Variants in CDC14A observed in about 807,000 individuals in gnomAD.
The protein encoded by CDC14A is cell division cycle 14A.
CDC14A carries 53 observed loss-of-function variants against 74.4 expected under a neutral mutation model. The ratio of observed to expected loss-of-function variants is 0.71; its 90% CI spans 0.57 to 0.89. CDC14A has a LOEUF of 0.89. Ranked by LOEUF, CDC14A falls within the 40% of genes least tolerant of loss-of-function variation. The pLI, the probability that CDC14A is intolerant of heterozygous loss-of-function variation, is 0.00. For synonymous variants in CDC14A, 247 were observed against 258.4 expected, an observed-to-expected ratio of 0.96 and a Z score of 0.43; for missense variants, 646 against 713.7, an observed-to-expected ratio of 0.91 and a Z score of 1.08.
chr1:100,471,136 T>A (rs1224639401), intron 10 of CDC14A, among the ~76,000 whole-genome samples: 4 of 151,974 alleles, frequency 2.6e-5, no homozygotes, highest in African/African-American at 7.3e-5. Flanking sequence ...TAGATGAATA[T>A]CATATTATTG....
At chr1:100,470,352 G>A (rs564342264) in intron 10 of CDC14A, among the ~76,000 whole-genome samples, 58 of 151,716 alleles carry the variant, frequency 3.8e-4, no homozygotes, top group Non-Finnish European at 7.4e-4. Context: ...ATATTTAATG[G>A]TGATGCTTTT....
intron 1 of CDC14A, among the ~76,000 whole-genome samples, chr1:100,346,032 G>T (rs1050482013): frequency 6.6e-6 from 1 of 152,052 alleles, no homozygotes; most frequent in South Asian, 2.1e-4. Context: ...TTCACTGGGT[G>T]TGGGGGTGGG....
intron 8 of CDC14A, among the ~76,000 whole-genome samples, chr1:100,456,417 T>G (rs1666690683): frequency 7.0e-6 from 1 of 143,756 alleles, no homozygotes; most frequent in Non-Finnish European, 1.5e-5. Context: ...AAAATATCCA[T>G]GAACAAAATA....
At chr1:100,439,483 T>C (rs1457139056) in intron 5 of CDC14A, among the ~76,000 whole-genome samples, 1 of 152,194 alleles carries the variant, frequency 6.6e-6, no homozygotes, top group Non-Finnish European at 1.5e-5. Context: ...ATAATAAGAA[T>C]AGTCATAATA....
At chr1:100,491,183 G>A (rs1047600779) in intron 11 of CDC14A, among the ~76,000 whole-genome samples, 28 of 152,098 alleles carry the variant, frequency 1.8e-4, no homozygotes, top group African/African-American at 6.0e-4. Context: ...GCCATAAAAC[G>A]ACAGAGATTT....
chr1:100,499,469 TCTTC>T (rs1648451408), intron 15 of CDC14A: 2 of 1,447,842 alleles, frequency 1.4e-6, no homozygotes, highest in Non-Finnish European at 9.1e-7. Flanking sequence ...AACTGGGTTT[TCTTC>T]CTTCCTTCTT....
intron 2 of CDC14A, among the ~76,000 whole-genome samples, chr1:100,359,223 C>G (rs1216049679): frequency 6.6e-6 from 1 of 152,218 alleles, no homozygotes; most frequent in Non-Finnish European, 1.5e-5. Flanking sequence ...GGTTTACACG[C>G]ACACATTAAC....
chr1:100,510,264 G>T (rs1270146305), intron 15 of CDC14A, among the ~76,000 whole-genome samples: 1 of 152,144 alleles, frequency 6.6e-6, no homozygotes, highest in Non-Finnish European at 1.5e-5. Flanking sequence ...GCCTGGCATG[G>T]TATTAGGTAC....
chr1:100,353,326 C>T (rs572146854), intron 1 of CDC14A, among the ~76,000 whole-genome samples: 14 of 152,354 alleles, frequency 9.2e-5, no homozygotes, highest in African/African-American at 2.9e-4. Context: ...ACTCCACCAT[C>T]GCAGGCTTCG....
chr1:100,444,433 T>A (rs1665305865), intron 7 of CDC14A, among the ~76,000 whole-genome samples: 1 of 152,208 alleles, frequency 6.6e-6, no homozygotes, highest in Non-Finnish European at 1.5e-5. Flanking sequence ...GTTTCTCCCA[T>A]TGCCCTGCTG....
At chr1:100,451,916 T>C (rs1027607751) in intron 7 of CDC14A, among the ~76,000 whole-genome samples, 6 of 152,212 alleles carry the variant, frequency 3.9e-5, no homozygotes, top group African/African-American at 9.6e-5. Flanking sequence ...TGTAAAAGCA[T>C]AGAGAATGCT....
intron 8 of CDC14A, 30 bp downstream of exon 8, chr1:100,455,522 C>G (rs28364873): frequency 5.0e-6 from 6 of 1,206,218 alleles, no homozygotes; most frequent in Non-Finnish European, 7.2e-6. Flanking sequence ...ACCATCCAAA[C>G]ATTTATTTTG....
At chr1:100,498,037 A>G (rs539988488) in intron 13 of CDC14A, 48 bp from the exon 14 acceptor site, 9 of 1,577,742 alleles carry the variant, frequency 5.7e-6, no homozygotes, top group Non-Finnish European at 7.7e-6. Context: ...CTGAATGTTT[A>G]AGATAAGACT....
chr1:100,355,342 T>C (rs1383748767), intron 2 of CDC14A, among the ~76,000 whole-genome samples: 1 of 152,260 alleles, frequency 6.6e-6, no homozygotes, highest in African/African-American at 2.4e-5. Flanking sequence ...TGTCATTGAA[T>C]GAGCTCTAGC....
intron 15 of CDC14A, among the ~76,000 whole-genome samples, chr1:100,512,616 T>C (rs1396036680): frequency 1.3e-5 from 2 of 152,204 alleles, no homozygotes; most frequent in African/African-American, 4.8e-5. Flanking sequence ...CATCTAACAA[T>C]TGAGCTCTTT....
chr1:100,418,792 A>T (rs183707436), intron 4 of CDC14A, among the ~76,000 whole-genome samples: 1,924 of 152,254 alleles, frequency 0.013, 40 homozygotes, highest in African/African-American at 0.044. Context: ...TGAAGGGAAA[A>T]TTTTTTGTAA....
At chr1:100,484,867 G>T in intron 11 of CDC14A, 1 of 982,696 alleles carries the variant, frequency 1.0e-6, no homozygotes, top group Non-Finnish European at 1.2e-6. Context: ...CATGATTAGG[G>T]CACTTTTTTA....
At chr1:100,389,062 C>A (rs143468458) in intron 3 of CDC14A, among the ~76,000 whole-genome samples, 1,709 of 151,258 alleles carry the variant, frequency 0.011, 30 homozygotes, top group African/African-American at 0.04. Flanking sequence ...GTGGTCCCAG[C>A]TACTCAGGAG....
chr1:100,351,765 C>G, upstream of CDC14A: 2 of 1,550,608 alleles, frequency 1.3e-6, no homozygotes, highest in Non-Finnish European at 1.7e-6. Flanking sequence ...AGATGGGAAA[C>G]TTTTTGTCCC....
Sources: gnomAD v4.1 joint callset for allele counts (sites outside exome capture counted in the v4.1 genomes callset) on GRCh38, gnomAD v4.1.1 for gene constraint, MANE v1.5 for transcripts, NCBI Gene and HGNC (gene_info 2026-07-23, HGNC 2026-07-21) for gene names.